FOXP1: variants seen among roughly 807,000 people sequenced by gnomAD.
The protein encoded by FOXP1 is forkhead box protein P1.
FOXP1 carries 15 observed loss-of-function variants against 98.2 expected under a neutral mutation model. The ratio of observed to expected loss-of-function variants is 0.15; its 90% CI spans 0.10 to 0.24. FOXP1 has a LOEUF of 0.24. FOXP1 is among the 10% of genes least tolerant of loss of function. The pLI is 1.00. For synonymous variants in FOXP1, 371 were observed against 314.5 expected (o/e 1.18, Z -1.90); for missense variants, 633 against 848.5 (o/e 0.75, Z 3.15).
chr3:71,220,486 G>C (rs1239689984), intron 5 of FOXP1, among the ~76,000 whole-genome samples: 1 of 152,188 alleles, frequency 6.6e-6, no homozygotes, highest in East Asian at 1.9e-4. Flanking sequence ...CCTGGCTTAC[G>C]CCTGTAATCT....
intron 14 of FOXP1, among the ~76,000 whole-genome samples, chr3:70,983,871 T>C (rs747909187): frequency 3.9e-5 from 6 of 152,176 alleles, no homozygotes; most frequent in Non-Finnish European, 8.8e-5. Flanking sequence ...GTCCTCTTAG[T>C]TTTTCACTCC....
chr3:71,460,126 G>C (rs925717033), intron 3 of FOXP1, among the ~76,000 whole-genome samples: 1 of 151,906 alleles, frequency 6.6e-6, no homozygotes, highest in South Asian at 2.1e-4. Context: ...AGTAGAGACG[G>C]GGTTTCACTG....
chr3:71,057,963 G>T (rs1439064834), intron 7 of FOXP1, among the ~76,000 whole-genome samples: 2 of 152,062 alleles, frequency 1.3e-5, no homozygotes, highest in Non-Finnish European at 2.9e-5. Flanking sequence ...TGCCTGATAC[G>T]GTTTTTTCTT....
At chr3:71,128,896 A>T (rs1190210382) in intron 6 of FOXP1, among the ~76,000 whole-genome samples, 1 of 135,660 alleles carries the variant, frequency 7.4e-6, no homozygotes, top group Non-Finnish European at 1.5e-5. Context: ...CACTTGCCTT[A>T]AAAAAAAAAA....
At chr3:71,541,305 A>G (rs2044791127) in intron 2 of FOXP1, among the ~76,000 whole-genome samples, 1 of 152,264 alleles carries the variant, frequency 6.6e-6, no homozygotes, top group African/African-American at 2.4e-5. Flanking sequence ...CTAGAAGAGA[A>G]AAGCATTTTT....
intron 2 of FOXP1, among the ~76,000 whole-genome samples, chr3:71,548,959 T>C (rs902354418): frequency 1.3e-5 from 2 of 152,116 alleles, no homozygotes; most frequent in Admixed American, 6.6e-5. Context: ...ACTAAGGCGG[T>C]GTGTTTAAAT....
chr3:71,117,607 G>A (rs2058466660), intron 6 of FOXP1, among the ~76,000 whole-genome samples: 1 of 152,090 alleles, frequency 6.6e-6, no homozygotes, highest in African/African-American at 2.4e-5. Flanking sequence ...CAGAAAGAGA[G>A]AGACAGAAAG....
chr3:71,554,004 G>C (rs779689718), intron 2 of FOXP1, among the ~76,000 whole-genome samples: 10 of 152,096 alleles, frequency 6.6e-5, no homozygotes, highest in African/African-American at 1.2e-4. Flanking sequence ...TGCTCCATGG[G>C]TTTCTGAATC....
intron 3 of FOXP1, among the ~76,000 whole-genome samples, chr3:71,456,808 G>GTT (rs34335003): frequency 2.7e-5 from 4 of 146,728 alleles, no homozygotes; most frequent in Admixed American, 6.8e-5. Context: ...GTTATTGGTA[G>GTT]TTTTTTTTTT....
intron 6 of FOXP1, among the ~76,000 whole-genome samples, chr3:71,148,460 A>C (rs1232993788): frequency 2.0e-5 from 3 of 152,226 alleles, no homozygotes; most frequent in Non-Finnish European, 4.4e-5. Flanking sequence ...TCACTCTTAA[A>C]GAAAACTTGC....
chr3:70,973,214 C>T (rs879691881), intron 17 of FOXP1, among the ~76,000 whole-genome samples: 13 of 151,768 alleles, frequency 8.6e-5, no homozygotes, highest in East Asian at 2.0e-4. Context: ...GTCAAAGGAT[C>T]GGGGGGTGGT....
intron 2 of FOXP1, among the ~76,000 whole-genome samples, chr3:71,500,641 C>T (rs144223182): frequency 6.6e-6 from 1 of 152,296 alleles, no homozygotes; most frequent in Non-Finnish European, 1.5e-5. Flanking sequence ...GATGTCCCCT[C>T]TCTCCTTTTC....
intron 3 of FOXP1, among the ~76,000 whole-genome samples, chr3:71,391,817 G>C (rs1310370245): frequency 2.0e-5 from 3 of 152,174 alleles, no homozygotes; most frequent in Admixed American, 2.0e-4. Context: ...GAGAACAGCT[G>C]GTGTTGAAAG....
At chr3:71,150,685 A>G (rs1437615698) in intron 6 of FOXP1, among the ~76,000 whole-genome samples, 1 of 152,228 alleles carries the variant, frequency 6.6e-6, no homozygotes, top group East Asian at 1.9e-4. Flanking sequence ...ACTCTAATTT[A>G]AATTAATGAG....
chr3:71,065,980 GTA>G (rs1491235351), intron 7 of FOXP1, among the ~76,000 whole-genome samples: 1 of 148,832 alleles, frequency 6.7e-6, no homozygotes, highest in African/African-American at 2.5e-5. Flanking sequence ...TTCCTGGCCT[GTA>G]TATTTTTTAA....
At chr3:71,263,978 T>C (rs1250889773) in intron 5 of FOXP1, among the ~76,000 whole-genome samples, 2 of 151,992 alleles carry the variant, frequency 1.3e-5, no homozygotes, top group Non-Finnish European at 2.9e-5. Flanking sequence ...CTCGAACTCT[T>C]GGCTTCAAGC....
chr3:71,080,305 A>C (rs2054272854), intron 7 of FOXP1, among the ~76,000 whole-genome samples: 1 of 152,248 alleles, frequency 6.6e-6, no homozygotes, highest in Non-Finnish European at 1.5e-5. Flanking sequence ...TAATTACATA[A>C]GAGTTTTGAA....
chr3:71,266,078 G>A (rs1360294114), intron 5 of FOXP1, among the ~76,000 whole-genome samples: 2 of 151,872 alleles, frequency 1.3e-5, no homozygotes, highest in African/African-American at 2.4e-5. Context: ...ATTTGCTAGC[G>A]CTGCAAAGAT....
chr3:71,386,291 G>A (rs1432294253), intron 3 of FOXP1, among the ~76,000 whole-genome samples: 2 of 152,264 alleles, frequency 1.3e-5, no homozygotes, highest in Admixed American at 1.3e-4. Flanking sequence ...AAAATCCCTG[G>A]TTGTGCCCAC....
Sources: allele counts gnomAD v4.1 joint callset (sites outside exome capture counted in the v4.1 genomes callset), GRCh38; gene constraint gnomAD v4.1.1; transcripts MANE v1.5; gene names NCBI Gene and HGNC (gene_info 2026-07-23, HGNC 2026-07-21).